The following CSMD1 variants were observed in gnomAD, a reference collection of about 807,000 sequenced individuals.
CSMD1 encodes CUB and Sushi multiple domains 1.
A neutral mutation model predicts 417.5 loss-of-function variants in CSMD1; 213 were observed. The ratio of observed to expected loss-of-function variants is 0.51; its 90% CI spans 0.46 to 0.57. The LOEUF (loss-of-function observed/expected upper bound fraction) is 0.57, where lower values mean the gene tolerates loss of function less well. Ranked by LOEUF, CSMD1 falls within the 20% of genes least tolerant of loss-of-function variation. The probability of loss-of-function intolerance (pLI) is 0.00; values close to 1 mark genes in which losing one functional copy is unlikely to be tolerated. For missense variants in CSMD1, 6,923 were observed against 4,529.7 expected, an observed-to-expected ratio of 1.53 and a Z score of -15.17; for synonymous variants, 2,862 against 1,736.8, an observed-to-expected ratio of 1.65 and a Z score of -16.11.
chr8:3,536,034 C>T (rs961773087), intron 10 of CSMD1, among the ~76,000 whole-genome samples: 3 of 152,174 alleles, frequency 2.0e-5, no homozygotes, highest in Admixed American at 1.3e-4. Context: ...AAGCCAGCGA[C>T]CACGCTGTCA....
chr8:3,565,384 G>A (rs1393800970), intron 10 of CSMD1, among the ~76,000 whole-genome samples: 2 of 152,044 alleles, frequency 1.3e-5, no homozygotes, highest in Admixed American at 6.6e-5. Context: ...TTGAATAATG[G>A]GGAGGCTCCC....
chr8:3,215,194 T>C (rs1413216992), intron 29 of CSMD1, among the ~76,000 whole-genome samples: 3 of 152,232 alleles, frequency 2.0e-5, no homozygotes, highest in African/African-American at 7.2e-5. Flanking sequence ...CTTATACGAA[T>C]AACAACAGAC....
At chr8:4,399,768 T>TAATGTGAGTCTATTTCTAAAAGATG in intron 3 of CSMD1, among the ~76,000 whole-genome samples, 7 of 152,196 alleles carry the variant, frequency 4.6e-5, no homozygotes, top group South Asian at 2.1e-4. Flanking sequence ...TGAATTTTCC[T>TAATGTGAGTCTATTTCTAAAAGATG]CATGTGAGTC....
At chr8:3,645,609 G>C (rs1585011802) in intron 7 of CSMD1, among the ~76,000 whole-genome samples, 1 of 152,308 alleles carries the variant, frequency 6.6e-6, no homozygotes. Flanking sequence ...TTCTGCAAGG[G>C]ATCATGGGAA....
intron 1 of CSMD1, among the ~76,000 whole-genome samples, chr8:4,888,615 A>C (rs1803908518): frequency 6.6e-6 from 1 of 151,946 alleles, no homozygotes; most frequent in Non-Finnish European, 1.5e-5. Flanking sequence ...ACATCCCAAC[A>C]CCAAAAAGCA....
At chr8:3,110,065 TA>T in intron 43 of CSMD1, 92 bp downstream of exon 43, 1 of 1,075,092 alleles carries the variant, frequency 9.3e-7, no homozygotes, top group Non-Finnish European at 1.3e-6. Context: ...AAGTTTATTC[TA>T]AATATGTGCC....
At chr8:4,699,842 A>T (rs547529371) in intron 1 of CSMD1, among the ~76,000 whole-genome samples, 31 of 152,238 alleles carry the variant, frequency 2.0e-4, no homozygotes, top group Non-Finnish European at 4.1e-4. Flanking sequence ...AGTACAAGTG[A>T]GATTGACAAT....
rs1818228956 is a variant in CSMD1, at chr8:3,489,234, T to A, written c.1448+4389A>T. 2.6e-5 allele frequency among the ~76,000 whole-genome samples: 4 copies of A among 152,152 alleles called. No homozygotes were observed. In the East Asian group the frequency reaches 7.7e-4, roughly 29 times the overall value. ...GAGCAAGAAGTAGATTCAGCAAAAA[T>A]GGATTAATCCAGCCCTAAGAAAGAA... On this transcript the variant is annotated intron_variant, in intron 11 of 69. Coordinates refer to ENST00000635120, the MANE Select transcript of CSMD1 (RefSeq NM_033225.6).
chr8:3,059,252 C>CA (rs34479938), intron 49 of CSMD1, among the ~76,000 whole-genome samples: 6,177 of 140,066 alleles, frequency 0.044, 342 homozygotes, highest in African/African-American at 0.14. Context: ...CCCCAGACAT[C>CA]AAAAAAAAAA....
At chr8:3,760,795 T>A (rs1248921580) in intron 5 of CSMD1, among the ~76,000 whole-genome samples, 1 of 152,188 alleles carries the variant, frequency 6.6e-6, no homozygotes. Context: ...CAGTTAAGTC[T>A]CTTTAACTAT....
intron 5 of CSMD1, among the ~76,000 whole-genome samples, chr8:3,970,329 C>T (rs1812994271): frequency 6.6e-6 from 1 of 152,170 alleles, no homozygotes; most frequent in Admixed American, 6.5e-5. Flanking sequence ...CACAGAGAAT[C>T]CTATACCAGC....
At chr8:4,900,653 C>T (rs1482704665) in intron 1 of CSMD1, among the ~76,000 whole-genome samples, 3 of 152,180 alleles carry the variant, frequency 2.0e-5, no homozygotes, top group Admixed American at 1.3e-4. Context: ...CTGTACTCGC[C>T]CTACTCTCTG....
At chr8:4,317,961 T>G (rs1261256551) in intron 3 of CSMD1, among the ~76,000 whole-genome samples, 1 of 152,158 alleles carries the variant, frequency 6.6e-6, no homozygotes, top group Non-Finnish European at 1.5e-5. Flanking sequence ...ATTTAAGGTA[T>G]TTGGTATTTT....
At chr8:3,392,178 C>G (rs533505619) in intron 17 of CSMD1, among the ~76,000 whole-genome samples, 23 of 151,620 alleles carry the variant, frequency 1.5e-4, no homozygotes, top group Non-Finnish European at 2.1e-4. Flanking sequence ...AATGGGTGCA[C>G]CACATCAACA....
chr8:4,313,046 A>G (rs1242072951), intron 3 of CSMD1, among the ~76,000 whole-genome samples: 3 of 152,182 alleles, frequency 2.0e-5, no homozygotes, highest in Non-Finnish European at 2.9e-5. Context: ...TCTATAGAAT[A>G]AACTACAAAT....
At chr8:3,488,496 T>A (rs1182068543) in intron 11 of CSMD1, among the ~76,000 whole-genome samples, 1 of 152,170 alleles carries the variant, frequency 6.6e-6, no homozygotes, top group Non-Finnish European at 1.5e-5. Context: ...CAGTATAAAA[T>A]GTAATACAAA....
intron 52 of CSMD1, among the ~76,000 whole-genome samples, chr8:3,016,058 C>G (rs925005577): frequency 1.3e-5 from 2 of 152,308 alleles, no homozygotes; most frequent in Admixed American, 6.5e-5. Context: ...TGGGCAAATT[C>G]TGTACTTCTC....
At chr8:3,080,363 G>A (rs988588107) in intron 49 of CSMD1, among the ~76,000 whole-genome samples, 2 of 152,208 alleles carry the variant, frequency 1.3e-5, no homozygotes, top group African/African-American at 4.8e-5. Context: ...GAAGCCTGAG[G>A]ACAGAAGATC....
chr8:3,976,572 G>C (rs1197737715), intron 5 of CSMD1, among the ~76,000 whole-genome samples: 2 of 152,124 alleles, frequency 1.3e-5, no homozygotes, highest in African/African-American at 4.8e-5. Flanking sequence ...CAGCAATTAA[G>C]ACAAAGTAAA....
Sources: gnomAD v4.1 joint callset for allele counts (sites outside exome capture counted in the v4.1 genomes callset) on GRCh38, gnomAD v4.1.1 for gene constraint, MANE v1.5 for transcripts, NCBI Gene and HGNC (gene_info 2026-07-23, HGNC 2026-07-21) for gene names.